Variants in BNIP1 observed in about 807,000 individuals in gnomAD.
BNIP1 encodes the protein vesicle transport protein SEC20.
Under a neutral mutation model 28.5 loss-of-function variants are expected in BNIP1, and 25 were observed. The ratio of observed to expected loss-of-function variants is 0.88; its 90% CI spans 0.64 to 1.23. The LOEUF (loss-of-function observed/expected upper bound fraction) is 1.23, where lower values mean the gene tolerates loss of function less well. Among genes scored for constraint, BNIP1 ranks in the 50% most tolerant of loss-of-function variants. The pLI is 0.00. For synonymous variants in BNIP1, 118 were observed against 101.7 expected (o/e 1.16, Z -0.96); for missense variants, 276 against 277.0 (o/e 1.00, Z 0.02).
At chr5:173,146,081 C>T (rs1450523661) in intron 1 of BNIP1, among the ~76,000 whole-genome samples, 1 of 152,202 alleles carries the variant, frequency 6.6e-6, no homozygotes, top group Non-Finnish European at 1.5e-5. Context: ...CATTTGGGTT[C>T]TTGTCATTGC....
rs754999411 is a variant in BNIP1, at chr5:173,158,814, C to G, written c.340C>G (p.Leu114Val). 6.2e-7 allele frequency: 1 copy of G among 1,613,906 alleles called. No homozygotes were observed. Residue 114 changes from leucine (L) to valine (V), a missense_variant, in exon 4 of 6, where the codon CTT becomes GTT. By Grantham distance (32) the Leu-to-Val change is conservative. Transcript: ENST00000351486. The part of the protein sequence containing the change: ...IAIDNLEKAE[L>V]LQGGDLLRQR... ...AATCGACAATCTAGAGAAAGCAGAA[C>G]TTCTTCAGGGAGGAGATCTCTTAAG...
intron 2 of BNIP1, among the ~76,000 whole-genome samples, chr5:173,149,611 G>A (rs888195815): frequency 6.6e-6 from 1 of 152,130 alleles, no homozygotes; most frequent in East Asian, 1.9e-4. Context: ...TTGCATTGCT[G>A]TAAAGAAATA....
intron 5 of BNIP1, among the ~76,000 whole-genome samples, chr5:173,163,286 G>A (rs1760413871): frequency 6.6e-6 from 1 of 152,212 alleles, no homozygotes; most frequent in Non-Finnish European, 1.5e-5. Context: ...GTGCCGGTCT[G>A]GCCAGCAGAT....
intron 3 of BNIP1, among the ~76,000 whole-genome samples, chr5:173,154,951 T>G (rs1164400873): frequency 6.6e-6 from 1 of 152,132 alleles, no homozygotes; most frequent in Non-Finnish European, 1.5e-5. Flanking sequence ...AAAAGCATAT[T>G]TAACATTATA....
At chr5:173,150,757 CT>C (rs974693916) in intron 2 of BNIP1, among the ~76,000 whole-genome samples, 1 of 151,420 alleles carries the variant, frequency 6.6e-6, no homozygotes, top group Non-Finnish European at 1.5e-5. Context: ...AGACAAATTT[CT>C]TTTTTTTTAA....
chr5:173,159,787 A>C, intron 4 of BNIP1, 146 bp from the exon 5 acceptor site: 1 of 746,166 alleles, frequency 1.3e-6, no homozygotes, highest in Non-Finnish European at 2.3e-6. Flanking sequence ...GGGTCTCAGC[A>C]CACCCTTTCC....
chr5:173,162,745 T>C (rs1760399237), intron 5 of BNIP1, among the ~76,000 whole-genome samples: 1 of 152,144 alleles, frequency 6.6e-6, no homozygotes, highest in East Asian at 1.9e-4. Flanking sequence ...GGGGCTGCCA[T>C]ATTGGTCAGC....
chr5:173,145,019 G>C (rs568049181), intron 1 of BNIP1: 15 of 172,210 alleles, frequency 8.7e-5, no homozygotes, highest in African/African-American at 3.6e-4. Flanking sequence ...GTAGCGTCCG[G>C]GAGGCAGCTA....
rs1759909209 is a variant in BNIP1, at chr5:173,148,086, ATATATAT to A, written c.177+1129_177+1135del. Among the ~76,000 whole-genome samples the A allele has an allele frequency of 4.8e-3, 110 of 23,108 alleles. 2 individuals carry two copies. Among genetic ancestry groups the A allele is most frequent in the South Asian group, 0.012 (3 of 260 alleles). The allele number at this position is 23,108 out of a possible 152,430, so 15.2% of individuals were successfully genotyped here. A position where few individuals can be genotyped will look rare whatever the true frequency, so the allele number is the denominator to read the frequency against. On this transcript the variant is annotated intron_variant, in intron 2 of 5. Coordinates refer to ENST00000351486, the MANE Select transcript of BNIP1 (RefSeq NM_001205.3). ...TCAAAAAAAAAAAAAAAAAAAAAATATATATATATATATATATATATATATATATATA... is the reference window on the plus strand; with the variant it reads ...TCAAAAAAAAAAAAAAAAAAAAAATAATATATATATATATATATATATATA...
chr5:173,153,546 A>G (rs1379901623), intron 2 of BNIP1, among the ~76,000 whole-genome samples: 1 of 152,074 alleles, frequency 6.6e-6, no homozygotes, highest in African/African-American at 2.4e-5. Flanking sequence ...GTTTATGTTC[A>G]TTTCTCTTCA....
At chr5:173,151,808 C>A (rs1760031117) in intron 2 of BNIP1, 2 of 1,478,370 alleles carry the variant, frequency 1.4e-6, no homozygotes, top group Non-Finnish European at 1.8e-6. Flanking sequence ...ATTATGGCAC[C>A]TAGGAAGGAC....
intron 2 of BNIP1, among the ~76,000 whole-genome samples, chr5:173,149,315 A>C (rs1202167315): frequency 6.6e-6 from 1 of 152,076 alleles, no homozygotes; most frequent in East Asian, 1.9e-4. Context: ...GGAGCAAGTC[A>C]CGTCTTATAT....
At chr5:173,155,591 G>A (rs1461882838) in intron 3 of BNIP1, among the ~76,000 whole-genome samples, 7 of 151,990 alleles carry the variant, frequency 4.6e-5, no homozygotes, top group Non-Finnish European at 4.4e-5. Context: ...CCAGCTACTC[G>A]GGAGGCTGAG....
At chr5:173,160,241 T>C (rs1162482869) in intron 5 of BNIP1, among the ~76,000 whole-genome samples, 190 bp downstream of exon 5, 3 of 148,750 alleles carry the variant, frequency 2.0e-5, no homozygotes, top group South Asian at 2.1e-4. Context: ...CTATTTCTCT[T>C]TTTTTTTTTT....
At chr5:173,148,077 AAAAAAAATATATATATATATATATAT>A (rs1245829413) in intron 2 of BNIP1, among the ~76,000 whole-genome samples, 5 of 47,828 alleles carry the variant, frequency 1.0e-4, no homozygotes, top group African/African-American at 3.0e-4. Flanking sequence ...AAAAAAAAAA[AAAAAAAATATATATATATATATATAT>A]ATATATATAT....
rs768368776 is a variant in BNIP1, at chr5:173,144,575, G to C, written c.30G>C (p.Arg10=). The change falls in exon 1 of 6, where the codon CGG becomes CGC. Residue 10 remains arginine, a synonymous_variant. Coordinates refer to ENST00000351486, the MANE Select transcript of BNIP1 (RefSeq NM_001205.3). The part of the protein sequence containing the change: MAAPQDVHV[R]ICNQEIVKFD... Reference sequence around the variant, plus strand: ...CGGCTCCCCAAGACGTCCACGTCCGGATCTGTAACCAAGAGATTGTCAAAT... The same window carrying C: ...CGGCTCCCCAAGACGTCCACGTCCGCATCTGTAACCAAGAGATTGTCAAAT... 57 of 1,614,064 alleles carry C rather than the reference G, an allele frequency of 3.5e-5. No individual in the cohort carries two copies. The highest frequency in any genetic ancestry group is 4.7e-5 in the Non-Finnish European group (56 of 1,180,014).
chr5:173,152,078 GTTTGTC>G (rs1760039094), intron 2 of BNIP1, among the ~76,000 whole-genome samples: 1 of 152,178 alleles, frequency 6.6e-6, no homozygotes, highest in African/African-American at 2.4e-5. Flanking sequence ...ATATCTGTGT[GTTTGTC>G]TTTGTACATA....
intron 2 of BNIP1, among the ~76,000 whole-genome samples, chr5:173,149,675 G>A (rs1261473756): frequency 6.6e-6 from 1 of 152,148 alleles, no homozygotes; most frequent in Non-Finnish European, 1.5e-5. Context: ...TTAAGGTTCT[G>A]CAGGCTGTAT....
At chr5:173,148,153 T>A (rs1759919876) in intron 2 of BNIP1, among the ~76,000 whole-genome samples, 1 of 130,742 alleles carries the variant, frequency 7.6e-6, no homozygotes, top group Admixed American at 8.1e-5. Flanking sequence ...TAGAGATGGA[T>A]TTTTTGCTCT....
Sources: gnomAD v4.1 joint callset for allele counts (sites outside exome capture counted in the v4.1 genomes callset) on GRCh38, gnomAD v4.1.1 for gene constraint, MANE v1.5 for transcripts, NCBI Gene and HGNC (gene_info 2026-07-23, HGNC 2026-07-21) for gene names.